The following EPN2 variants were observed in gnomAD, a reference collection of about 807,000 sequenced individuals.
EPN2 encodes epsin-2.
In EPN2, 34 loss-of-function variants were observed where a neutral mutation model predicts 61.7. That is an observed-to-expected ratio of 0.55 (90% confidence interval 0.42 to 0.73). The LOEUF (loss-of-function observed/expected upper bound fraction) is 0.73, where lower values mean the gene tolerates loss of function less well. EPN2 is among the 30% of genes least tolerant of loss of function. The pLI, the probability that EPN2 is intolerant of heterozygous loss-of-function variation, is 0.00. For synonymous variants in EPN2, 349 were observed against 353.6 expected (o/e 0.99, Z 0.15); for missense variants, 714 against 839.2 (o/e 0.85, Z 1.84).
intron 1 of EPN2, among the ~76,000 whole-genome samples, chr17:19,246,868 C>G (rs1055115348): frequency 1.3e-5 from 2 of 149,632 alleles, no homozygotes; most frequent in South Asian, 2.1e-4. Context: ...CCCGGGTTCA[C>G]GCCATTCTCC....
At chr17:19,256,640 T>TGGCA (rs1037005832) in intron 1 of EPN2, among the ~76,000 whole-genome samples, 1 of 152,030 alleles carries the variant, frequency 6.6e-6, no homozygotes, top group African/African-American at 2.4e-5. Flanking sequence ...TTTCGGCTGG[T>TGGCA]GGCACCCCGT....
Position 19,255,960 on chromosome 17 carries a change from C to T in EPN2, c.-294+18429C>T, listed in dbSNP as rs377365993. ...TATTTTTTATTTATTTTTTTTGAGA[C>T]GGAGTCTTGGTCTGTTACCCAGGCT... On this transcript the variant is annotated intron_variant, in intron 1 of 10. Transcript: ENST00000314728. Among the ~76,000 whole-genome samples, 12 of 151,674 alleles carry T rather than the reference C, an allele frequency of 7.9e-5. 2 individuals carry two copies. Among genetic ancestry groups the T allele is most frequent in the African/African-American group, 2.2e-4 (9 of 41,348 alleles).
intron 8 of EPN2, chr17:19,329,202 C>A (rs1907045265): frequency 2.3e-6 from 1 of 427,946 alleles, no homozygotes. Context: ...GGCAGGCTGG[C>A]CTCCAGGCAC....
At chr17:19,254,430 A>G (rs2045050830) in intron 1 of EPN2, among the ~76,000 whole-genome samples, 1 of 151,668 alleles carries the variant, frequency 6.6e-6, no homozygotes, top group African/African-American at 2.4e-5. Context: ...AATCTCAGCT[A>G]CTCGGGAGGC....
intron 4 of EPN2, among the ~76,000 whole-genome samples, chr17:19,289,275 G>A (rs1271515310): frequency 1.3e-5 from 2 of 151,888 alleles, no homozygotes; most frequent in African/African-American, 4.8e-5. Context: ...TAGTAGAGAT[G>A]AGGTTTCATC....
intron 6 of EPN2, chr17:19,312,848 T>C (rs1906210248): frequency 2.2e-6 from 1 of 445,704 alleles, no homozygotes; most frequent in South Asian, 2.9e-5. Flanking sequence ...AGTGTTAGCC[T>C]GGAAAAGTCT....
intron 4 of EPN2, among the ~76,000 whole-genome samples, chr17:19,299,385 C>T (rs1277341243): frequency 6.6e-6 from 1 of 152,270 alleles, no homozygotes; most frequent in Non-Finnish European, 1.5e-5. Flanking sequence ...TGGCTTACGC[C>T]TGGAGAGCTG....
chr17:19,300,469 C>T (rs1905432027), intron 4 of EPN2, among the ~76,000 whole-genome samples: 1 of 110,194 alleles, frequency 9.1e-6, no homozygotes, highest in South Asian at 3.1e-4. Flanking sequence ...GCTCTTGTTG[C>T]CCAAGCTGGA....
chr17:19,293,718 C>G (rs1199443087), intron 4 of EPN2, among the ~76,000 whole-genome samples: 1 of 151,800 alleles, frequency 6.6e-6, no homozygotes, highest in Non-Finnish European at 1.5e-5. Flanking sequence ...CCTAATTAAA[C>G]CATTATTTAA....
chr17:19,303,314 A>G (rs1236423893), intron 4 of EPN2, among the ~76,000 whole-genome samples: 1 of 152,188 alleles, frequency 6.6e-6, no homozygotes, highest in Non-Finnish European at 1.5e-5. Context: ...CACATTTTTC[A>G]AGTTGTCTGA....
At chr17:19,290,632 G>A (rs2045453353) in intron 4 of EPN2, among the ~76,000 whole-genome samples, 1 of 129,846 alleles carries the variant, frequency 7.7e-6, no homozygotes, top group Non-Finnish European at 1.6e-5. Flanking sequence ...TGCTCCCTGA[G>A]CAAGTCCCGA....
intron 1 of EPN2, among the ~76,000 whole-genome samples, chr17:19,260,936 C>G (rs2045134507): frequency 6.6e-6 from 1 of 152,074 alleles, no homozygotes; most frequent in Admixed American, 6.6e-5. Flanking sequence ...CATATCAGTG[C>G]ATGGAGAATG....
intron 1 of EPN2, among the ~76,000 whole-genome samples, chr17:19,261,209 T>C (rs187355155): frequency 5.3e-5 from 8 of 152,324 alleles, no homozygotes; most frequent in Admixed American, 3.3e-4. Context: ...CATGTTGCAC[T>C]CCCACTGGCG....
At chr17:19,318,272 G>A (rs1385809421) in intron 7 of EPN2, among the ~76,000 whole-genome samples, 1 of 150,256 alleles carries the variant, frequency 6.7e-6, no homozygotes, top group African/African-American at 2.5e-5. Flanking sequence ...GTTCTTGGCT[G>A]GACATGGTGG....
At chr17:19,327,037 AAGCATC>A (rs1214445008) in intron 7 of EPN2, among the ~76,000 whole-genome samples, 15 of 152,288 alleles carry the variant, frequency 9.8e-5, no homozygotes, top group Non-Finnish European at 5.9e-5. Context: ...AGCTAATACT[AAGCATC>A]AGAGAGGTTA....
intron 1 of EPN2, among the ~76,000 whole-genome samples, chr17:19,242,381 C>T (rs190069898): frequency 2.5e-4 from 38 of 152,322 alleles, no homozygotes; most frequent in Admixed American, 1.2e-3. Flanking sequence ...GGGGAGGTTG[C>T]AGTGAGTCTC....
chr17:19,310,139 G>A (rs1003712244), intron 5 of EPN2, 142 bp downstream of exon 5: 6 of 655,992 alleles, frequency 9.1e-6, no homozygotes, highest in African/African-American at 5.3e-5. Context: ...TCATGCTGCC[G>A]TAAGTGTGTA....
intron 4 of EPN2, among the ~76,000 whole-genome samples, chr17:19,291,106 TAG>T (rs755544431): frequency 1.9e-4 from 29 of 152,284 alleles, no homozygotes; most frequent in Non-Finnish European, 3.1e-4. Context: ...CAGGATTCAA[TAG>T]ATACCAGAAG....
chr17:19,239,312 C>G (rs1287286593), intron 1 of EPN2, among the ~76,000 whole-genome samples: 1 of 152,150 alleles, frequency 6.6e-6, no homozygotes, highest in African/African-American at 2.4e-5. Flanking sequence ...CCACCACGCC[C>G]GGCTAATCTT....
Sources: allele counts gnomAD v4.1 joint callset (sites outside exome capture counted in the v4.1 genomes callset), GRCh38; gene constraint gnomAD v4.1.1; transcripts MANE v1.5; gene names NCBI Gene and HGNC (gene_info 2026-07-23, HGNC 2026-07-21).